The following KAZN variants were observed in gnomAD, a reference collection of about 807,000 sequenced individuals.
The protein encoded by KAZN is kazrin.
Under a neutral mutation model 87.4 loss-of-function variants are expected in KAZN, and 40 were observed. The ratio of observed to expected loss-of-function variants is 0.46; its 90% CI spans 0.36 to 0.60. The LOEUF (loss-of-function observed/expected upper bound fraction) is 0.60. Among genes scored for constraint, KAZN ranks in the 20% least tolerant of loss-of-function variants. The pLI is 0.00. For synonymous variants in KAZN, 466 were observed against 458.3 expected (o/e 1.02, Z -0.22); for missense variants, 898 against 1,073.9 (o/e 0.84, Z 2.29).
chr1:15,000,766 A>T (rs1668383033), intron 2 of KAZN, among the ~76,000 whole-genome samples: 1 of 151,922 alleles, frequency 6.6e-6, no homozygotes, highest in South Asian at 2.1e-4. Context: ...TGTGCCTGGC[A>T]CAGTGCTTGT....
intron 1 of KAZN, among the ~76,000 whole-genome samples, chr1:14,839,330 G>T (rs1647658746): frequency 6.6e-6 from 1 of 152,132 alleles, no homozygotes; most frequent in Non-Finnish European, 1.5e-5. Context: ...CATGAGCTGG[G>T]TGTGAGGAAG....
In KAZN at chr1:14,531,308, C is replaced by T. The variant is rs1672196543; in HGVS notation, c.250-67675C>T. ...CAAAGATCAAAACAGTCATAGAATG[C>T]CCTCTCCCATATACTGGAGATCCCA... is the stretch of plus-strand genomic sequence containing the variant. On this transcript the variant is annotated intron_variant, in intron 2 of 16. Transcript: ENST00000636203. 3.3e-5 allele frequency among the ~76,000 whole-genome samples: 5 copies of T among 152,292 alleles called. No homozygotes were observed. The South Asian group carries it at 8.3e-4, about 25-fold the overall frequency.
intron 1 of KAZN, among the ~76,000 whole-genome samples, chr1:14,935,140 G>A (rs1000381189): frequency 1.3e-5 from 2 of 152,206 alleles, no homozygotes; most frequent in Admixed American, 6.5e-5. Flanking sequence ...CCCTCTGCAG[G>A]GACAGAGGCT....
At chr1:14,320,111 T>C (rs1373417951) in intron 2 of KAZN, among the ~76,000 whole-genome samples, 2 of 152,176 alleles carry the variant, frequency 1.3e-5, no homozygotes, top group Non-Finnish European at 2.9e-5. Context: ...GGCTATAGGA[T>C]AGTAAGGACA....
intron 2 of KAZN, among the ~76,000 whole-genome samples, chr1:14,351,634 T>C (rs1022464720): frequency 3.3e-5 from 5 of 152,224 alleles, no homozygotes; most frequent in African/African-American, 1.2e-4. Flanking sequence ...GGCCATCATC[T>C]GTGCCAGGAA....
At chr1:13,987,858 G>A (rs12026392) in intron 1 of KAZN, among the ~76,000 whole-genome samples, 20,952 of 152,122 alleles carry the variant, frequency 0.14, 1,578 homozygotes, top group Middle Eastern at 0.2. Context: ...AATTTACAAA[G>A]AACAGAGATT....
chr1:14,313,373 TTCA>T (rs2100817934), intron 2 of KAZN, among the ~76,000 whole-genome samples: 1 of 152,296 alleles, frequency 6.6e-6, no homozygotes, highest in African/African-American at 2.4e-5. Flanking sequence ...CTTAAACAGC[TTCA>T]TCAATGGAAT....
rs77365162 is a variant in KAZN at position 14,394,860 on chromosome 1, T to A, written c.250-204123T>A. 7.4e-3 allele frequency among the ~76,000 whole-genome samples: 1,125 copies of A among 152,346 alleles called. 17 individuals carry two copies. Among genetic ancestry groups the A allele is most frequent in the African/African-American group, 0.025 (1,057 of 41,578 alleles). ...CAGTATTGGATAAGTTAGACTGATA[T>A]GCCCAAGGTCACCCAGCTAGTGAGT... On this transcript the variant is annotated intron_variant, in intron 2 of 16. Transcript: ENST00000636203.
At chr1:14,386,448 G>C (rs1455698186) in intron 2 of KAZN, among the ~76,000 whole-genome samples, 1 of 151,968 alleles carries the variant, frequency 6.6e-6, no homozygotes, top group South Asian at 2.1e-4. Context: ...GCAGTGGCTG[G>C]TACCAGTTGT....
chr1:14,946,259 T>C (rs1267556743), intron 1 of KAZN: 1 of 151,876 alleles, frequency 6.6e-6, no homozygotes, highest in Non-Finnish European at 1.5e-5. Context: ...TGGGAGACAG[T>C]GAGTCCCCAG....
intron 4 of KAZN, among the ~76,000 whole-genome samples, chr1:15,050,006 G>A (rs1346580888): frequency 1.3e-5 from 2 of 151,060 alleles, no homozygotes; most frequent in East Asian, 2.0e-4. Flanking sequence ...ATGACAGAGT[G>A]AGACTCCATC....
chr1:14,736,033 C>A (rs148235820), intron 1 of KAZN, among the ~76,000 whole-genome samples: 1 of 152,180 alleles, frequency 6.6e-6, no homozygotes, highest in Non-Finnish European at 1.5e-5. Flanking sequence ...GACAGGCCGT[C>A]GGTCCACCTG....
chr1:13,982,018 C>T (rs998907631), intron 1 of KAZN, among the ~76,000 whole-genome samples: 1 of 152,176 alleles, frequency 6.6e-6, no homozygotes, highest in Admixed American at 6.5e-5. Flanking sequence ...GCTAAGTTCC[C>T]ACTTCAATGT....
intron 2 of KAZN, among the ~76,000 whole-genome samples, chr1:14,364,824 C>T (rs1298939576): frequency 1.3e-5 from 2 of 152,204 alleles, no homozygotes; most frequent in Non-Finnish European, 2.9e-5. Flanking sequence ...CTTGTGGCCG[C>T]ATCACGTCAA....
chr1:13,896,172 G>A (rs969742068), intron 1 of KAZN, among the ~76,000 whole-genome samples: 3 of 152,074 alleles, frequency 2.0e-5, no homozygotes, highest in Non-Finnish European at 4.4e-5. Flanking sequence ...CTTTTGCAAA[G>A]AGCCAGATAA....
intron 1 of KAZN, among the ~76,000 whole-genome samples, chr1:14,875,482 TA>T (rs34495884): frequency 1.9e-3 from 255 of 134,074 alleles, no homozygotes; most frequent in Admixed American, 4.1e-3. Context: ...CTTAATTTAT[TA>T]AAAAAAAAAA....
chr1:14,864,118 G>A (rs1295773206), intron 1 of KAZN, among the ~76,000 whole-genome samples: 1 of 152,192 alleles, frequency 6.6e-6, no homozygotes, highest in Admixed American at 6.5e-5. Flanking sequence ...GCAGATGGAG[G>A]ATTCTACCCC....
chr1:14,926,703 G>A (rs1223339909), intron 1 of KAZN, among the ~76,000 whole-genome samples: 1 of 152,198 alleles, frequency 6.6e-6, no homozygotes, highest in Non-Finnish European at 1.5e-5. Context: ...CTCTAGGAGG[G>A]CGATGGGAAC....
rs575270473 is a variant in KAZN at position 14,832,665 on chromosome 1, G to A, written c.227-128019G>A. Among the ~76,000 whole-genome samples, 40 of 152,204 alleles carry A rather than the reference G, an allele frequency of 2.6e-4. No individual in the cohort carries two copies. In the East Asian group the frequency reaches 2.9e-3, roughly 11 times the overall value. On this transcript the variant is annotated intron_variant, in intron 1 of 14. Coordinates refer to ENST00000376030, the MANE Select transcript of KAZN (RefSeq NM_201628.3). The stretch of plus-strand genomic sequence containing the variant: ...CTAAAAAAGTTTACAAATTCGTATC[G>A]GGCTGCATTCAAAGCCATCCTGGGC...
Sources: gnomAD v4.1 joint callset for allele counts (sites outside exome capture counted in the v4.1 genomes callset) on GRCh38, gnomAD v4.1.1 for gene constraint, MANE v1.5 for transcripts, NCBI Gene and HGNC (gene_info 2026-07-23, HGNC 2026-07-21) for gene names.